PCDHA7: variants seen among roughly 807,000 people sequenced by gnomAD.
The protein encoded by PCDHA7 is protocadherin alpha 7.
PCDHA7 carries 37 observed loss-of-function variants against 57.2 expected under a neutral mutation model. The ratio of observed to expected loss-of-function variants is 0.65; its 90% CI spans 0.50 to 0.85. PCDHA7 has a LOEUF of 0.85. Among genes scored for constraint, PCDHA7 ranks in the 40% least tolerant of loss-of-function variants. PCDHA7 has a pLI of 0.00. For missense variants in PCDHA7, 1,188 were observed against 1,241.8 expected (o/e 0.96, Z 0.65); for synonymous variants, 553 against 558.8 (o/e 0.99, Z 0.15).
Position 140,836,500 on chromosome 5 carries a change from C to A in PCDHA7, c.2117C>A (p.Ala706Glu), listed in dbSNP as rs2150262394. 99 of 1,613,882 alleles carry A rather than the reference C, an allele frequency of 6.1e-5. No individual in the cohort carries two copies. The highest frequency in any genetic ancestry group is 8.1e-5 in the Non-Finnish European group (95 of 1,179,878). Reference sequence around the variant, plus strand: ...GTGTACCTGATCATCGCCATCTGCGCGGTGTCCAGTCTGTTGGTGCTTACC... The same window carrying A: ...GTGTACCTGATCATCGCCATCTGCGAGGTGTCCAGTCTGTTGGTGCTTACC... ...VNVYLIIAIC[A>E]VSSLLVLTLL... is the part of the protein sequence containing the mutation. Residue 706 changes from alanine (A) to glutamate (E), a missense_variant, in exon 1 of 4, where the codon GCG becomes GAG. Transcript: ENST00000525929.
intron 3 of PCDHA7, among the ~76,000 whole-genome samples, chr5:141,003,794 G>A (rs1158199764): frequency 6.6e-6 from 1 of 152,102 alleles, no homozygotes; most frequent in Non-Finnish European, 1.5e-5. Context: ...AAATCCTATT[G>A]GGTTGTAATC....
At chr5:140,984,631 T>C (rs1400847452) in intron 3 of PCDHA7, among the ~76,000 whole-genome samples, 1 of 152,192 alleles carries the variant, frequency 6.6e-6, no homozygotes, top group Non-Finnish European at 1.5e-5. Flanking sequence ...TTAAAGGGAT[T>C]CTCTGCCTTC....
rs1316555766 is a variant in PCDHA7, at chr5:141,011,101, T to C, written c.*1164T>C. 1.3e-5 allele frequency: 2 copies of C among 153,710 alleles called. No homozygotes were observed. The highest frequency in any genetic ancestry group is 2.9e-5 in the Non-Finnish European group (2 of 68,016). The allele number at this position is 153,710 out of a possible 1,614,324, so 9.5% of individuals were successfully genotyped here. A position where few individuals can be genotyped will look rare whatever the true frequency, so the allele number is the denominator to read the frequency against. On this transcript the variant is annotated 3_prime_UTR_variant, in exon 4 of 4. Coordinates refer to ENST00000525929, the MANE Select transcript of PCDHA7 (RefSeq NM_018910.3). ...AATGATCTCTCTTTCTCTCTCTCTC[T>C]CTCTTTTCTAAGAAACAATTATGTG...
intron 1 of PCDHA7, among the ~76,000 whole-genome samples, chr5:140,907,240 A>G (rs563432322): frequency 5.3e-5 from 8 of 152,310 alleles, no homozygotes; most frequent in Admixed American, 5.2e-4. Context: ...CCTAGTTGAC[A>G]TTGTAATTGT....
chr5:140,962,047 C>T (rs1288087343), intron 1 of PCDHA7, among the ~76,000 whole-genome samples: 2 of 151,982 alleles, frequency 1.3e-5, no homozygotes, highest in South Asian at 2.1e-4. Context: ...CCATGCCTGG[C>T]TAATTTTTTT....
intron 1 of PCDHA7, among the ~76,000 whole-genome samples, chr5:140,881,731 T>C (rs1457530470): frequency 6.6e-6 from 1 of 152,224 alleles, no homozygotes; most frequent in Non-Finnish European, 1.5e-5. Flanking sequence ...TGAAAAATAT[T>C]ACAGGAAGAG....
chr5:140,842,589 T>G, intron 1 of PCDHA7: 1 of 1,529,168 alleles, frequency 6.5e-7, no homozygotes, highest in Non-Finnish European at 8.9e-7. Flanking sequence ...GCCTATGAGT[T>G]GGTGGTAACC....
intron 1 of PCDHA7, chr5:140,966,609 G>A: frequency 1.4e-6 from 1 of 702,876 alleles, no homozygotes; most frequent in Non-Finnish European, 2.1e-6. Flanking sequence ...CCTTGGGAGG[G>A]CCTACGGAGG....
chr5:140,997,567 G>A (rs1163598467), intron 3 of PCDHA7, among the ~76,000 whole-genome samples: 1 of 152,130 alleles, frequency 6.6e-6, no homozygotes, highest in Non-Finnish European at 1.5e-5. Flanking sequence ...ACTGTCATAT[G>A]TGTGGTCCGT....
chr5:140,874,526 T>G (rs2054964457), intron 1 of PCDHA7, among the ~76,000 whole-genome samples: 1 of 152,242 alleles, frequency 6.6e-6, no homozygotes. Flanking sequence ...GTCAATGAGA[T>G]TAGGCTCCAA....
chr5:140,918,929 A>G (rs2078930762), intron 1 of PCDHA7, among the ~76,000 whole-genome samples: 1 of 152,226 alleles, frequency 6.6e-6, no homozygotes, highest in Non-Finnish European at 1.5e-5. Context: ...AGCATATGGC[A>G]TTTTGTTATA....
intron 1 of PCDHA7, chr5:140,877,301 A>G: frequency 1.2e-6 from 2 of 1,613,876 alleles, no homozygotes. Context: ...CTGTCCTACG[A>G]GTTGCAACCG....
chr5:140,995,314 G>A (rs2097676013), intron 3 of PCDHA7, among the ~76,000 whole-genome samples: 1 of 152,140 alleles, frequency 6.6e-6, no homozygotes, highest in Admixed American at 6.5e-5. Context: ...CTTTCTAAGT[G>A]AACTAACAGG....
At chr5:140,958,400 A>G (rs1236102640) in intron 1 of PCDHA7, among the ~76,000 whole-genome samples, 1 of 152,196 alleles carries the variant, frequency 6.6e-6, no homozygotes, top group African/African-American at 2.4e-5. Context: ...ATCAAACATT[A>G]TCACTGATGC....
intron 1 of PCDHA7, among the ~76,000 whole-genome samples, chr5:140,906,586 C>G (rs1199094981): frequency 6.6e-6 from 1 of 152,218 alleles, no homozygotes; most frequent in African/African-American, 2.4e-5. Context: ...TGATGACTAC[C>G]TTCCTCTACT....
intron 1 of PCDHA7, chr5:140,843,306 C>A: frequency 6.3e-7 from 1 of 1,596,008 alleles, no homozygotes; most frequent in Non-Finnish European, 8.6e-7. Flanking sequence ...CTGACCGCCA[C>A]GGCCACGGTT....
chr5:140,966,501 C>A (rs993120522), intron 1 of PCDHA7: 8 of 436,558 alleles, frequency 1.8e-5, no homozygotes, highest in Admixed American at 8.7e-5. Flanking sequence ...GGAGCTGTAG[C>A]GGCAGCAGCA....
Position 140,882,398 on chromosome 5 carries a change from T to C in PCDHA7, c.2355+45660T>C, listed in dbSNP as rs782596260. The C allele has an allele frequency of 5.6e-6, 9 of 1,614,040 alleles. No individual in the cohort carries two copies. In the African/African-American group the frequency reaches 9.3e-5, roughly 17 times the overall value. On this transcript the variant is annotated intron_variant, in intron 1 of 3. Coordinates refer to ENST00000525929, the MANE Select transcript of PCDHA7 (RefSeq NM_018910.3). ...CCCCGAGGAAGCAAAACACGGCACCTTCGTGGGCCGCATCGCTCAGGACCT... is the reference window on the plus strand; with the variant it reads ...CCCCGAGGAAGCAAAACACGGCACCCTCGTGGGCCGCATCGCTCAGGACCT...
rs1554162252 is a variant in PCDHA7 at position 140,868,854 on chromosome 5, T to A, written c.2355+32116T>A. ...ACCCAAAACACGTGAAATTCTGTGG[T>A]GGTAAATGCAGTGCACAGTACTCAC... On this transcript the variant is annotated intron_variant, in intron 1 of 3. Coordinates refer to ENST00000525929, the MANE Select transcript of PCDHA7 (RefSeq NM_018910.3). 8.6e-6 allele frequency: 4 copies of A among 465,988 alleles called. 1 individual carries two copies. The highest frequency in any genetic ancestry group is 1.4e-5 in the Non-Finnish European group (4 of 277,116). The allele number at this position is 465,988 out of a possible 1,614,324, so 28.9% of individuals were successfully genotyped here. A position where few individuals can be genotyped will look rare whatever the true frequency, so the allele number is the denominator to read the frequency against.
Sources: allele counts gnomAD v4.1 joint callset (sites outside exome capture counted in the v4.1 genomes callset), GRCh38; gene constraint gnomAD v4.1.1; transcripts MANE v1.5; gene names NCBI Gene and HGNC (gene_info 2026-07-23, HGNC 2026-07-21).